Variants in SLC24A4 observed in about 807,000 individuals in gnomAD.
The protein encoded by SLC24A4 is solute carrier family 24 member 4.
In SLC24A4, 53 loss-of-function variants were observed where a neutral mutation model predicts 79.0. The observed-to-expected ratio is 0.67, with a 90% confidence interval of 0.54 to 0.84. The LOEUF is 0.84. SLC24A4 is among the 40% of genes least tolerant of loss of function. SLC24A4 has a pLI of 0.00. For synonymous variants in SLC24A4, 323 were observed against 323.8 expected, an observed-to-expected ratio of 1.00 and a Z score of 0.03; for missense variants, 731 against 822.0, an observed-to-expected ratio of 0.89 and a Z score of 1.35.
At chr14:92,467,434 C>T (rs1481964575) in intron 12 of SLC24A4, among the ~76,000 whole-genome samples, 1 of 152,120 alleles carries the variant, frequency 6.6e-6, no homozygotes, top group Admixed American at 6.5e-5. Flanking sequence ...AACAAAAACC[C>T]CAAAGCTAAC....
At chr14:92,324,623 A>G (rs1359234905) in intron 1 of SLC24A4, among the ~76,000 whole-genome samples, 2 of 152,224 alleles carry the variant, frequency 1.3e-5, no homozygotes, top group Admixed American at 6.5e-5. Flanking sequence ...GAGAGAAGGA[A>G]CTAACCAAAG....
At chr14:92,374,497 A>G (rs940460065) in intron 2 of SLC24A4, among the ~76,000 whole-genome samples, 5 of 152,196 alleles carry the variant, frequency 3.3e-5, no homozygotes, top group Admixed American at 2.0e-4. Context: ...TTGCTCTTCC[A>G]TGTCCATGTT....
intron 12 of SLC24A4, among the ~76,000 whole-genome samples, chr14:92,468,125 C>A (rs9972149): frequency 0.2 from 30,536 of 152,050 alleles, 3,571 homozygotes; most frequent in Middle Eastern, 0.41. Context: ...ACACCTTAGT[C>A]ATTAACAATC....
intron 12 of SLC24A4, among the ~76,000 whole-genome samples, chr14:92,475,729 T>C (rs1002978632): frequency 6.6e-6 from 1 of 152,188 alleles, no homozygotes; most frequent in Admixed American, 6.5e-5. Context: ...TTCCACACCG[T>C]GACCATGACC....
chr14:92,450,131 T>G (rs979809389), intron 10 of SLC24A4: 1 of 152,208 alleles, frequency 6.6e-6, no homozygotes, highest in African/African-American at 2.4e-5. Context: ...CTTGCACTGG[T>G]GTCTGGGGGC....
At chr14:92,390,563 A>C (rs896922849) in intron 2 of SLC24A4, among the ~76,000 whole-genome samples, 4 of 152,216 alleles carry the variant, frequency 2.6e-5, no homozygotes, top group African/African-American at 9.7e-5. Flanking sequence ...CTGAATTTGA[A>C]ATGAGAGTAG....
At chr14:92,447,843 C>G (rs1892892043) in intron 9 of SLC24A4, among the ~76,000 whole-genome samples, 1 of 152,222 alleles carries the variant, frequency 6.6e-6, no homozygotes, top group African/African-American at 2.4e-5. Context: ...TAAAATGCCA[C>G]TTCTCAGGGC....
At chr14:92,354,941 G>T (rs1248017874) in intron 2 of SLC24A4, among the ~76,000 whole-genome samples, 1 of 152,198 alleles carries the variant, frequency 6.6e-6, no homozygotes, top group Non-Finnish European at 1.5e-5. Context: ...ACGGATGGTG[G>T]TGCACATCTG....
rs1459769214 is a variant in SLC24A4, at chr14:92,490,357, T to C, written c.1538-1308T>C. 6.6e-6 allele frequency among the ~76,000 whole-genome samples: 1 copy of C among 152,104 alleles called. No homozygotes were observed. The highest frequency in any genetic ancestry group is 1.5e-5 in the Non-Finnish European group (1 of 68,002). ...GTTTGCTTTCTTAATTATATGCCTC[T>C]CCAGTTACTAACTTCCTGATTGTGT... On this transcript the variant is annotated intron_variant, in intron 14 of 16. Coordinates refer to ENST00000532405, the MANE Select transcript of SLC24A4 (RefSeq NM_153646.4). This position sits in a 1 kb window ranked among gnomAD's most constrained non-coding sequence, Gnocchi z 4.3.
At chr14:92,479,112 A>G (rs1331980903) in intron 12 of SLC24A4, among the ~76,000 whole-genome samples, 1 of 152,220 alleles carries the variant, frequency 6.6e-6, no homozygotes, top group African/African-American at 2.4e-5. Flanking sequence ...AGTTTTCTAT[A>G]TACAAGATCA....
chr14:92,334,848 C>T (rs1441447674), intron 2 of SLC24A4, among the ~76,000 whole-genome samples: 2 of 152,016 alleles, frequency 1.3e-5, no homozygotes, highest in Admixed American at 6.5e-5. Flanking sequence ...TTGAACCATA[C>T]GGAGCCCGTG....
Position 92,466,545 on chromosome 14 carries a change from A to G in SLC24A4, c.1255+9937A>G, listed in dbSNP as rs538510928. Among the ~76,000 whole-genome samples the G allele has an allele frequency of 5.2e-4, 79 of 152,326 alleles. 1 individual carries two copies. Among genetic ancestry groups the G allele is most frequent in the Non-Finnish European group, 9.1e-4 (62 of 68,042 alleles). On this transcript the variant is annotated intron_variant, in intron 12 of 16. Transcript: ENST00000532405. ...TAATAAGTCTAAATTTAATGGTACA[A>G]AAAAATAATAAAAATACCAAAAATT...
intron 2 of SLC24A4, among the ~76,000 whole-genome samples, chr14:92,331,192 C>A (rs1268222164): frequency 1.3e-5 from 2 of 152,238 alleles, no homozygotes; most frequent in Non-Finnish European, 2.9e-5. Flanking sequence ...CAGGCTTTCC[C>A]TGGTAACCCA....
chr14:92,481,192 A>G (rs1272551061), intron 12 of SLC24A4, among the ~76,000 whole-genome samples: 2 of 152,200 alleles, frequency 1.3e-5, no homozygotes, highest in Non-Finnish European at 2.9e-5. Context: ...TTTCCTGAGC[A>G]TGTGTAGAAC....
chr14:92,462,745 C>T (rs763500584), intron 12 of SLC24A4: 1 of 152,098 alleles, frequency 6.6e-6, no homozygotes, highest in Non-Finnish European at 1.5e-5. Flanking sequence ...CATTAAAACC[C>T]TAGGGAGGTG....
At chr14:92,430,501 C>A (rs1891806906) in intron 2 of SLC24A4, among the ~76,000 whole-genome samples, 1 of 152,226 alleles carries the variant, frequency 6.6e-6, no homozygotes, top group Non-Finnish European at 1.5e-5. Flanking sequence ...TGGAGTTTCC[C>A]ATCCAATGTT....
At chr14:92,340,219 G>A (rs183938614) in intron 2 of SLC24A4, among the ~76,000 whole-genome samples, 31 of 152,332 alleles carry the variant, frequency 2.0e-4, no homozygotes, top group Non-Finnish European at 3.7e-4. Flanking sequence ...CTGGGTACCC[G>A]TGGGTGGGGT....
intron 2 of SLC24A4, among the ~76,000 whole-genome samples, chr14:92,425,810 T>C (rs1286525888): frequency 1.3e-5 from 2 of 152,026 alleles, no homozygotes; most frequent in East Asian, 3.9e-4. Context: ...TGATACCCAG[T>C]CTCTACCAAA....
At chr14:92,375,591 G>T (rs72695126) in intron 2 of SLC24A4, among the ~76,000 whole-genome samples, 9,995 of 152,258 alleles carry the variant, frequency 0.066, 457 homozygotes, top group Non-Finnish European at 0.091. Flanking sequence ...AATAAAATGT[G>T]CTATGTCCAT....
Sources: gnomAD v4.1 joint callset for allele counts (sites outside exome capture counted in the v4.1 genomes callset) on GRCh38, gnomAD v4.1.1 for gene constraint, Gnocchi (gnomAD v3.1) non-coding constraint, MANE v1.5 for transcripts, NCBI Gene and HGNC (gene_info 2026-07-23, HGNC 2026-07-21) for gene names.